The following CD47 variants were observed in gnomAD, a reference collection of about 807,000 sequenced individuals.
CD47 encodes CD47 molecule.
A neutral mutation model predicts 44.6 loss-of-function variants in CD47; 11 were observed. That is an observed-to-expected ratio of 0.25 (90% CI 0.16 to 0.41). The LOEUF (loss-of-function observed/expected upper bound fraction) is 0.41. Ranked by LOEUF, CD47 falls within the 10% of genes least tolerant of loss-of-function variation. The probability of loss-of-function intolerance (pLI) is 1.00; values close to 1 mark genes in which losing one functional copy is unlikely to be tolerated. For missense variants in CD47, 306 were observed against 386.7 expected (o/e 0.79, Z 1.75); for synonymous variants, 140 against 136.3 (o/e 1.03, Z -0.19).
At chr3:108,079,824 T>C (rs1230806292) in intron 2 of CD47, among the ~76,000 whole-genome samples, 167 bp downstream of exon 2, 2 of 151,878 alleles carry the variant, frequency 1.3e-5, no homozygotes, top group Non-Finnish European at 2.9e-5. Context: ...GATTAACAAA[T>C]AGGATAGAAA....
intron 1 of CD47, among the ~76,000 whole-genome samples, chr3:108,083,453 G>A (rs1341818974): frequency 2.0e-5 from 3 of 152,010 alleles, no homozygotes; most frequent in Non-Finnish European, 2.9e-5. Flanking sequence ...ATGAAATATT[G>A]TGATAGGATG....
chr3:108,063,489 G>A (rs181453033), intron 3 of CD47, among the ~76,000 whole-genome samples: 300 of 152,202 alleles, frequency 2.0e-3, no homozygotes, highest in Non-Finnish European at 2.2e-3. Context: ...TAGCCCAGTC[G>A]TCAAATTTCT....
chr3:108,066,772 G>A (rs1239576363), intron 3 of CD47, among the ~76,000 whole-genome samples: 6 of 152,136 alleles, frequency 3.9e-5, no homozygotes, highest in East Asian at 1.9e-4. Flanking sequence ...TGCGAATGTC[G>A]ACATTACTGC....
rs182184728 is a variant in CD47, at chr3:108,076,895, T to A, written c.400+3096A>T. 3.7e-3 allele frequency among the ~76,000 whole-genome samples: 561 copies of A among 152,332 alleles called. 4 individuals carry two copies. The highest frequency in any genetic ancestry group is 7.0e-3 in the African/African-American group (290 of 41,570). ...GATGGTGATGCCATCTTTACTGTAC[T>A]AAGAAGAATTTGAGGGACAGATAGG... On this transcript the variant is annotated intron_variant, in intron 2 of 10. Coordinates refer to ENST00000361309, the MANE Select transcript of CD47 (RefSeq NM_001777.4).
chr3:108,078,019 G>C (rs1003865483), intron 2 of CD47, among the ~76,000 whole-genome samples: 1 of 151,590 alleles, frequency 6.6e-6, no homozygotes, highest in Non-Finnish European at 1.5e-5. Flanking sequence ...TAAAATGAGA[G>C]CGAACCATTA....
chr3:108,051,524 T>C lies in CD47; in HGVS notation c.909+415A>G, dbSNP rs182884510. 3.3e-3 allele frequency among the ~76,000 whole-genome samples: 499 copies of C among 152,356 alleles called. 2 individuals are homozygous for C. The highest frequency in any genetic ancestry group is 5.4e-3 in the Non-Finnish European group (367 of 68,038). On this transcript the variant is annotated intron_variant, in intron 8 of 10. Transcript: ENST00000361309. Reference sequence around the variant, plus strand: ...TTCAGCAATATTTACATTTATTTTATAGATTATAATTATCAGTGATGTCAA... The same window carrying C: ...TTCAGCAATATTTACATTTATTTTACAGATTATAATTATCAGTGATGTCAA...
chr3:108,060,787 T>C lies in CD47; in HGVS notation c.556A>G (p.Ile186Val), dbSNP rs1239522388. The C allele has an allele frequency of 6.2e-7, 1 of 1,613,610 alleles. No individual in the cohort carries two copies. Among genetic ancestry groups the C allele is most frequent in the Non-Finnish European group, 8.5e-7 (1 of 1,179,718 alleles). The part of the protein sequence containing the change: ...TIALLVAGLV[I>V]TVIVIVGAIL... The stretch of plus-strand genomic sequence containing the variant: ...GCTCCAACAATGACAATGACAGTGA[T>C]CACTAGTCCAGCAACAAGTAAAGCA... Residue 186 changes from isoleucine to valine, a missense_variant, in exon 4 of 11, where the codon ATC becomes GTC. Ile to Val is a conservative substitution (Grantham distance 29, BLOSUM62 3). Coordinates refer to ENST00000361309, the MANE Select transcript of CD47 (RefSeq NM_001777.4).
At chr3:108,059,581 C>A in intron 4 of CD47, 37 bp from the exon 5 acceptor site, 1 of 1,100,120 alleles carries the variant, frequency 9.1e-7, no homozygotes, top group Non-Finnish European at 1.3e-6. Context: ...TATTTTCCTA[C>A]ATACTTTTTA....
intron 2 of CD47, 59 bp from the exon 3 acceptor site, chr3:108,071,241 C>T: frequency 1.3e-6 from 1 of 780,228 alleles, no homozygotes; most frequent in Non-Finnish European, 2.1e-6. Flanking sequence ...TTAAATTCTG[C>T]TAATGGTCTA....
At chr3:108,056,901 T>C (rs1364246368) in intron 7 of CD47, among the ~76,000 whole-genome samples, 1 of 152,204 alleles carries the variant, frequency 6.6e-6, no homozygotes, top group Non-Finnish European at 1.5e-5. Context: ...TGAAACTCAA[T>C]GTTTTCATTA....
chr3:108,059,321 T>G, intron 5 of CD47, 131 bp downstream of exon 5: 2 of 454,174 alleles, frequency 4.4e-6, no homozygotes, highest in Non-Finnish European at 4.0e-6. Flanking sequence ...TCACTAAGAA[T>G]AGCATGAAAA....
chr3:108,047,026 C>T lies in CD47; in HGVS notation c.*262G>A. 2.5e-6 allele frequency: 1 copy of T among 406,962 alleles called. No individual in the cohort carries two copies. Among genetic ancestry groups the T allele is most frequent in the Admixed American group, 4.5e-5 (1 of 22,318 alleles). The allele number at this position is 406,962 out of a possible 1,614,324, so 25.2% of individuals were successfully genotyped here. The stretch of plus-strand genomic sequence containing the variant: ...GAAATTGTCCATTCTACTATTGCCC[C>T]TAATTGATTAAAAATAACAACAAAA... On this transcript the variant is annotated 3_prime_UTR_variant, in exon 11 of 11. Transcript: ENST00000361309.
At chr3:108,074,426 G>C (rs1226367330) in intron 2 of CD47, among the ~76,000 whole-genome samples, 3 of 152,036 alleles carry the variant, frequency 2.0e-5, no homozygotes, top group African/African-American at 7.3e-5. Flanking sequence ...CAATTCTCCT[G>C]TCTCAGCCTC....
At chr3:108,072,488 C>T (rs537406477) in intron 2 of CD47, among the ~76,000 whole-genome samples, 90 of 152,312 alleles carry the variant, frequency 5.9e-4, no homozygotes, top group African/African-American at 2.0e-3. Flanking sequence ...GCATTTTCCT[C>T]TATATGTAGT....
At chr3:108,049,955 T>C (rs1456748861) in intron 9 of CD47, among the ~76,000 whole-genome samples, 3 of 152,140 alleles carry the variant, frequency 2.0e-5, no homozygotes, top group African/African-American at 4.8e-5. Flanking sequence ...TTGGAAGTAA[T>C]TGGGATCCTT....
chr3:108,054,909 G>A (rs1185413535), intron 7 of CD47, among the ~76,000 whole-genome samples: 1 of 152,114 alleles, frequency 6.6e-6, no homozygotes, highest in African/African-American at 2.4e-5. Context: ...CTTTAAAAAT[G>A]AGAAAGTATT....
intron 1 of CD47, among the ~76,000 whole-genome samples, chr3:108,087,243 A>G (rs2079538233): frequency 6.6e-6 from 1 of 152,144 alleles, no homozygotes; most frequent in Non-Finnish European, 1.5e-5. Context: ...TTACGTACAA[A>G]AAGGATGAAG....
At chr3:108,065,419 A>G (rs1037270127) in intron 3 of CD47, among the ~76,000 whole-genome samples, 1 of 152,186 alleles carries the variant, frequency 6.6e-6, no homozygotes, top group Non-Finnish European at 1.5e-5. Context: ...TCCTCCTACA[A>G]TAAAATCAGC....
chr3:108,085,652 TTAC>T (rs1165026812), intron 1 of CD47, among the ~76,000 whole-genome samples: 1 of 152,196 alleles, frequency 6.6e-6, no homozygotes, highest in Admixed American at 6.5e-5. Flanking sequence ...TACTGTGTAA[TTAC>T]TATTTTACTT....
Sources: allele counts gnomAD v4.1 joint callset (sites outside exome capture counted in the v4.1 genomes callset), GRCh38; gene constraint gnomAD v4.1.1; transcripts MANE v1.5; gene names NCBI Gene and HGNC (gene_info 2026-07-23, HGNC 2026-07-21).